Variants in KCND2 observed in about 807,000 individuals in gnomAD.
The protein encoded by KCND2 is A-type voltage-gated potassium channel KCND2.
In KCND2, 16 loss-of-function variants were observed where a neutral mutation model predicts 54.4. The observed-to-expected ratio is 0.29, with a 90% CI of 0.20 to 0.45. KCND2 has a LOEUF of 0.45. Ranked by LOEUF, KCND2 falls within the 20% of genes least tolerant of loss-of-function variation. The pLI, the probability that KCND2 is intolerant of heterozygous loss-of-function variation, is 1.00. For missense variants in KCND2, 486 were observed against 824.2 expected, an observed-to-expected ratio of 0.59 and a Z score of 5.02; for synonymous variants, 317 against 310.7, an observed-to-expected ratio of 1.02 and a Z score of -0.21.
intron 1 of KCND2, among the ~76,000 whole-genome samples, chr7:120,442,573 A>C: frequency 6.6e-6 from 1 of 152,264 alleles, no homozygotes; most frequent in East Asian, 1.9e-4. Flanking sequence ...AGCAATATAT[A>C]AATAAAGTAT....
chr7:120,367,820 C>T (rs1004996192), intron 1 of KCND2, among the ~76,000 whole-genome samples: 1 of 151,984 alleles, frequency 6.6e-6, no homozygotes, highest in Admixed American at 6.6e-5. Context: ...GAGCAAGTAG[C>T]AGTGAGGACA....
At chr7:120,534,020 T>G (rs1421376425) in intron 1 of KCND2, among the ~76,000 whole-genome samples, 1 of 152,138 alleles carries the variant, frequency 6.6e-6, no homozygotes, top group Admixed American at 6.6e-5. Flanking sequence ...TTAACAACAT[T>G]CATGAAAGTT....
intron 2 of KCND2, among the ~76,000 whole-genome samples, chr7:120,740,095 T>C (rs546709378): frequency 7.2e-5 from 11 of 151,838 alleles, no homozygotes; most frequent in African/African-American, 2.4e-4. Context: ...TGCAGAAGAG[T>C]GTGCAGAGTA....
At chr7:120,536,433 C>A (rs1423699316) in intron 1 of KCND2, among the ~76,000 whole-genome samples, 2 of 151,928 alleles carry the variant, frequency 1.3e-5, no homozygotes, top group Non-Finnish European at 2.9e-5. Flanking sequence ...TACTGATTGA[C>A]ACTTCTTTTC....
chr7:120,463,244 C>G (rs759364691), intron 1 of KCND2, among the ~76,000 whole-genome samples: 2 of 150,070 alleles, frequency 1.3e-5, no homozygotes, highest in Non-Finnish European at 3.0e-5. Context: ...CTTTTTTTTT[C>G]AATTTTGATG....
chr7:120,595,451 C>CAAAA (rs759040293), intron 1 of KCND2, among the ~76,000 whole-genome samples: 1 of 43,696 alleles, frequency 2.3e-5, no homozygotes, highest in Non-Finnish European at 4.7e-5. Context: ...ACTGTGCCAC[C>CAAAA]AAAAAAAAAA....
At chr7:120,432,778 C>A (rs1801812964) in intron 1 of KCND2, among the ~76,000 whole-genome samples, 1 of 152,064 alleles carries the variant, frequency 6.6e-6, no homozygotes, top group African/African-American at 2.4e-5. Context: ...CCTGGGGTTG[C>A]CTTGCTTGGA....
At chr7:120,676,788 G>A (rs76184413) in intron 1 of KCND2, among the ~76,000 whole-genome samples, 2,220 of 152,136 alleles carry the variant, frequency 0.015, 54 homozygotes, top group African/African-American at 0.05. Flanking sequence ...GGCCTGTTTC[G>A]AAATGTAATG....
In KCND2 at chr7:120,274,900, G is replaced by C. The variant is rs1371124503; in HGVS notation, c.268G>C (p.Asp90His). ...TQQYFFDRDPDIFRHILNFYR... is the reference protein window; with the variant it reads ...TQQYFFDRDPHIFRHILNFYR... Reference sequence around the variant, plus strand: ...GCAGTATTTCTTTGACCGTGACCCAGACATCTTCCGCCACATCCTGAATTT... The same window carrying C: ...GCAGTATTTCTTTGACCGTGACCCACACATCTTCCGCCACATCCTGAATTT... The change falls in exon 1 of 6, where the codon GAC becomes CAC. Residue 90 changes from aspartate to histidine, a missense_variant. Coordinates refer to ENST00000331113, the MANE Select transcript of KCND2 (RefSeq NM_012281.3). 1.2e-5 allele frequency: 19 copies of C among 1,613,930 alleles called. No homozygotes were observed. The highest frequency in any genetic ancestry group is 1.3e-5 in the Non-Finnish European group (15 of 1,180,022).
intron 1 of KCND2, among the ~76,000 whole-genome samples, chr7:120,407,490 A>G (rs1304847377): frequency 6.6e-6 from 1 of 151,926 alleles, no homozygotes; most frequent in Non-Finnish European, 1.5e-5. Context: ...GATCCAGACC[A>G]CTGATGCTTG....
intron 1 of KCND2, among the ~76,000 whole-genome samples, chr7:120,549,847 CT>C (rs1278987258): frequency 6.6e-6 from 1 of 152,030 alleles, no homozygotes; most frequent in East Asian, 1.9e-4. Context: ...TTGTGTAATG[CT>C]TTATTTCAGA....
intron 5 of KCND2, 151 bp downstream of exon 5, chr7:120,746,178 G>T: frequency 2.4e-6 from 2 of 846,746 alleles, no homozygotes; most frequent in South Asian, 2.9e-5. Flanking sequence ...GTAGGAAAAT[G>T]GTTCTGCTTG....
In KCND2 at chr7:120,748,788, A is replaced by G. The variant is rs1271243081; in HGVS notation, c.*930A>G. On this transcript the variant is annotated 3_prime_UTR_variant, in exon 6 of 6. Transcript: ENST00000331113. ...TCAGTAATATTTTTTGGTCCACTGT[A>G]TTCCTGTGACACAGTGCATTATCTG... 2 of 151,970 alleles carry G rather than the reference A, an allele frequency of 1.3e-5. No individual in the cohort carries two copies. Among genetic ancestry groups the G allele is most frequent in the Non-Finnish European group, 2.9e-5 (2 of 67,870 alleles). The allele number at this position is 151,970 out of a possible 1,614,324, so 9.4% of individuals were successfully genotyped here.
At chr7:120,456,172 C>T (rs1359053652) in intron 1 of KCND2, among the ~76,000 whole-genome samples, 2 of 152,120 alleles carry the variant, frequency 1.3e-5, no homozygotes, top group Non-Finnish European at 2.9e-5. Context: ...ATGGGTTTGA[C>T]TATAAAATTT....
chr7:120,632,872 C>T (rs1412894774), intron 1 of KCND2, among the ~76,000 whole-genome samples: 1 of 152,178 alleles, frequency 6.6e-6, no homozygotes, highest in Non-Finnish European at 1.5e-5. Flanking sequence ...ACATCTACCT[C>T]ATTGGTGGTC....
intron 1 of KCND2, among the ~76,000 whole-genome samples, chr7:120,431,821 C>G (rs1269650008): frequency 1.3e-5 from 2 of 152,082 alleles, no homozygotes; most frequent in Admixed American, 1.3e-4. Flanking sequence ...CTTGCTGTCC[C>G]TCTCTTTTCT....
intron 1 of KCND2, 78 bp from the exon 2 acceptor site, chr7:120,732,821 TAAAG>T (rs1359898867): frequency 1.3e-5 from 15 of 1,193,298 alleles, no homozygotes; most frequent in Non-Finnish European, 1.8e-5. Context: ...TCATTTGACT[TAAAG>T]GAAAAAATTC....
intron 1 of KCND2, among the ~76,000 whole-genome samples, chr7:120,357,929 G>A (rs1001086488): frequency 2.0e-5 from 3 of 152,102 alleles, no homozygotes; most frequent in African/African-American, 4.8e-5. Flanking sequence ...GGGGGTTGCA[G>A]CTTCATCATA....
intron 1 of KCND2, among the ~76,000 whole-genome samples, chr7:120,552,333 G>A (rs1248060277): frequency 1.3e-5 from 2 of 152,094 alleles, no homozygotes; most frequent in African/African-American, 4.8e-5. Flanking sequence ...TTAATACTAT[G>A]TTTTCCTGCC....
Sources: allele counts gnomAD v4.1 joint callset (sites outside exome capture counted in the v4.1 genomes callset), GRCh38; gene constraint gnomAD v4.1.1; transcripts MANE v1.5; gene names NCBI Gene and HGNC (gene_info 2026-07-23, HGNC 2026-07-21).